Variants in JAZF1 observed in about 807,000 individuals in gnomAD.
JAZF1 encodes the protein juxtaposed with another zinc finger protein 1.
JAZF1 carries 8 observed loss-of-function variants against 26.4 expected under a neutral mutation model. The observed-to-expected ratio is 0.30, with a 90% CI of 0.18 to 0.55. The LOEUF (loss-of-function observed/expected upper bound fraction) is 0.55, where lower values mean the gene tolerates loss of function less well. Among genes scored for constraint, JAZF1 ranks in the 20% least tolerant of loss-of-function variants. The probability of loss-of-function intolerance (pLI) is 0.94; values close to 1 mark genes in which losing one functional copy is unlikely to be tolerated. For synonymous variants in JAZF1, 126 were observed against 122.3 expected (o/e 1.03, Z -0.20); for missense variants, 199 against 322.0 (o/e 0.62, Z 2.92).
At chr7:28,107,341 C>G (rs1397308095) in intron 1 of JAZF1, among the ~76,000 whole-genome samples, 3 of 152,224 alleles carry the variant, frequency 2.0e-5, no homozygotes, top group Non-Finnish European at 4.4e-5. Flanking sequence ...GTAGCTGAGG[C>G]AAGTCACCTG....
chr7:27,918,124 G>A (rs966411040), intron 2 of JAZF1, among the ~76,000 whole-genome samples: 3 of 152,152 alleles, frequency 2.0e-5, no homozygotes, highest in Admixed American at 6.5e-5. Flanking sequence ...TGGTGGACAC[G>A]CAGAGTAAGC....
intron 1 of JAZF1, among the ~76,000 whole-genome samples, chr7:28,009,614 G>A (rs1782763968): frequency 6.6e-6 from 1 of 152,002 alleles, no homozygotes; most frequent in African/African-American, 2.4e-5. Flanking sequence ...CTCCCGAGTA[G>A]GTGGGACTAC....
intron 1 of JAZF1, among the ~76,000 whole-genome samples, chr7:28,125,482 C>G (rs915444455): frequency 1.1e-4 from 17 of 152,192 alleles, no homozygotes; most frequent in African/African-American, 4.1e-4. Flanking sequence ...TTCCTAGCAA[C>G]AGCGGGGCTA....
chr7:27,832,710 G>T lies in JAZF1; in HGVS notation c.*90C>A. Reference sequence around the variant, plus strand: ...GCATTTAATTCTTTTTCTTTAAAGGGTTGCTGAATGCTTCCCCTGAAAAAA... The same window carrying T: ...GCATTTAATTCTTTTTCTTTAAAGGTTTGCTGAATGCTTCCCCTGAAAAAA... On this transcript the variant is annotated 3_prime_UTR_variant, in exon 5 of 5. Coordinates refer to ENST00000283928, the MANE Select transcript of JAZF1 (RefSeq NM_175061.4). 1 of 1,061,782 alleles carries T rather than the reference G, an allele frequency of 9.4e-7. No individual in the cohort carries two copies. Among genetic ancestry groups the T allele is most frequent in the Non-Finnish European group, 1.3e-6 (1 of 752,098 alleles). The allele number at this position is 1,061,782 out of a possible 1,614,324, so 65.8% of individuals were successfully genotyped here. A position where few individuals can be genotyped will look rare whatever the true frequency, so the allele number is the denominator to read the frequency against.
At chr7:28,056,212 G>T (rs1783704949) in intron 1 of JAZF1, among the ~76,000 whole-genome samples, 1 of 151,674 alleles carries the variant, frequency 6.6e-6, no homozygotes, top group African/African-American at 2.4e-5. Flanking sequence ...AAAAAAACCT[G>T]GAGCACGCAA....
At chr7:28,119,320 A>G (rs1230112950) in intron 1 of JAZF1, among the ~76,000 whole-genome samples, 1 of 152,128 alleles carries the variant, frequency 6.6e-6, no homozygotes, top group Non-Finnish European at 1.5e-5. Context: ...AAAACTAACC[A>G]TTAATACCCG....
chr7:27,904,076 G>A (rs776280274), intron 2 of JAZF1, among the ~76,000 whole-genome samples: 3 of 152,166 alleles, frequency 2.0e-5, no homozygotes, highest in East Asian at 3.8e-4. Flanking sequence ...AACATGGAGA[G>A]TAAGGATTTT....
chr7:27,831,397 C>T lies in JAZF1; in HGVS notation c.*1403G>A. Reference sequence around the variant, plus strand: ...TTATGGGCAGTTAGCTATCTCAAAGCATTTTTTATTGCATTATTAGGCAAC... The same window carrying T: ...TTATGGGCAGTTAGCTATCTCAAAGTATTTTTTATTGCATTATTAGGCAAC... On this transcript the variant is annotated 3_prime_UTR_variant, in exon 5 of 5. Transcript: ENST00000283928. 1 of 227,660 alleles carries T rather than the reference C, an allele frequency of 4.4e-6. No homozygotes were observed. The highest frequency in any genetic ancestry group is 8.7e-6 in the Non-Finnish European group (1 of 114,314). 14.1% of individuals were successfully genotyped at this position (227,660 alleles called of 1,614,324 possible). A position where few individuals can be genotyped will look rare whatever the true frequency, so the allele number is the denominator to read the frequency against.
chr7:28,144,033 G>T (rs1169280398), intron 1 of JAZF1, among the ~76,000 whole-genome samples: 1 of 152,174 alleles, frequency 6.6e-6, no homozygotes, highest in African/African-American at 2.4e-5. Context: ...AAAGTTGCTG[G>T]GTGGGTGTGT....
At chr7:28,175,073 T>C (rs1225440987) in intron 1 of JAZF1, among the ~76,000 whole-genome samples, 1 of 152,222 alleles carries the variant, frequency 6.6e-6, no homozygotes, top group Non-Finnish European at 1.5e-5. Context: ...TGCCTCTTTC[T>C]AGTCCTGGAT....
chr7:28,150,688 G>C (rs1356138642), intron 1 of JAZF1, among the ~76,000 whole-genome samples: 1 of 152,156 alleles, frequency 6.6e-6, no homozygotes, highest in Non-Finnish European at 1.5e-5. Context: ...GCCTCACACG[G>C]GGGAGACATT....
At chr7:28,075,871 C>T (rs925980326) in intron 1 of JAZF1, among the ~76,000 whole-genome samples, 12 of 152,188 alleles carry the variant, frequency 7.9e-5, no homozygotes, top group African/African-American at 2.2e-4. Flanking sequence ...ACAGTGACAT[C>T]AGATCATAAA....
At chr7:27,869,243 C>T (rs1783537637) in intron 3 of JAZF1, among the ~76,000 whole-genome samples, 3 of 152,218 alleles carry the variant, frequency 2.0e-5, no homozygotes, top group African/African-American at 7.2e-5. Flanking sequence ...TCACACCTAT[C>T]AGTTCCCAAA....
intron 2 of JAZF1, among the ~76,000 whole-genome samples, chr7:27,970,231 A>C (rs1785351988): frequency 6.6e-6 from 1 of 152,244 alleles, no homozygotes; most frequent in Non-Finnish European, 1.5e-5. Context: ...AAGATCTTAC[A>C]GAAAGCAAGG....
intron 1 of JAZF1, among the ~76,000 whole-genome samples, chr7:28,085,762 A>G (rs960924833): frequency 2.0e-5 from 3 of 152,234 alleles, no homozygotes; most frequent in African/African-American, 7.2e-5. Flanking sequence ...GGTCCAGCAA[A>G]ATTAATGTAT....
In JAZF1 at chr7:28,168,581, T is replaced by C. The variant is rs1383167206; in HGVS notation, c.115+11882A>G. 2.6e-5 allele frequency among the ~76,000 whole-genome samples: 4 copies of C among 152,300 alleles called. 1 individual carries two copies. The highest frequency in any genetic ancestry group is 2.0e-4 in the Admixed American group (3 of 15,308). On this transcript the variant is annotated intron_variant, in intron 1 of 4. Transcript: ENST00000283928. Reference sequence around the variant, plus strand: ...CCAGTCTCTGCCACGCCCCACTGCATTGAACTTGGTTACTTCCCTCATATG... The same window carrying C: ...CCAGTCTCTGCCACGCCCCACTGCACTGAACTTGGTTACTTCCCTCATATG...
chr7:27,982,310 G>GCATGGCTCAGAGGGTCCCACGCC (rs1785602082), intron 2 of JAZF1, among the ~76,000 whole-genome samples: 1 of 152,236 alleles, frequency 6.6e-6, no homozygotes. Context: ...TATATCCCGC[G>GCATGGCTCAGAGGGTCCCACGCC]CATGGCTCAG....
chr7:27,880,231 C>T (rs1783745319), intron 3 of JAZF1, among the ~76,000 whole-genome samples: 1 of 151,940 alleles, frequency 6.6e-6, no homozygotes, highest in Non-Finnish European at 1.5e-5. Flanking sequence ...TTTGACGATG[C>T]CAAGAAACAC....
chr7:28,009,552 C>T (rs1465680584), intron 1 of JAZF1, among the ~76,000 whole-genome samples: 1 of 151,542 alleles, frequency 6.6e-6, no homozygotes, highest in Non-Finnish European at 1.5e-5. Flanking sequence ...GGCACGATCT[C>T]GGCTCACTGC....
Sources: gnomAD v4.1 joint callset for allele counts (sites outside exome capture counted in the v4.1 genomes callset) on GRCh38, gnomAD v4.1.1 for gene constraint, MANE v1.5 for transcripts, NCBI Gene and HGNC (gene_info 2026-07-23, HGNC 2026-07-21) for gene names.